The following SERPINB12 variants were observed in gnomAD, a reference collection of about 807,000 sequenced individuals.
The protein encoded by SERPINB12 is serpin B12.
SERPINB12 carries 57 observed loss-of-function variants against 41.1 expected under a neutral mutation model. The ratio of observed to expected loss-of-function variants is 1.39; its 90% confidence interval spans 1.12 to 1.73. SERPINB12 has a LOEUF of 1.73. SERPINB12 is among the 40% of genes most tolerant of loss of function. SERPINB12 has a pLI of 0.00. For synonymous variants in SERPINB12, 180 were observed against 181.3 expected, an observed-to-expected ratio of 0.99 and a Z score of 0.06; for missense variants, 536 against 501.9, an observed-to-expected ratio of 1.07 and a Z score of -0.65.
the SERPINB12 span, among the ~76,000 whole-genome samples, chr18:63,529,415 T>C: frequency 1.3e-5 from 2 of 152,324 alleles, no homozygotes; most frequent in East Asian, 3.9e-4. Flanking sequence ...GTGATAGTTC[T>C]TGTTATCAGG....
chr18:63,561,760 C>G (rs1416647443), intron 5 of SERPINB12, among the ~76,000 whole-genome samples: 1 of 152,106 alleles, frequency 6.6e-6, no homozygotes, highest in African/African-American at 2.4e-5. Flanking sequence ...GAAATGGAGG[C>G]CATAATCCTA....
At chr18:63,544,515 C>T (rs375991395) in intron 1 of SERPINB12, among the ~76,000 whole-genome samples, 7 of 152,130 alleles carry the variant, frequency 4.6e-5, no homozygotes, top group African/African-American at 1.7e-4. Context: ...TAGTAAGATT[C>T]AGCCCAGGGC....
chr18:63,558,593 A>T, intron 3 of SERPINB12, 107 bp downstream of exon 3: 1 of 1,244,750 alleles, frequency 8.0e-7, no homozygotes, highest in African/African-American at 1.5e-5. Context: ...TAGACTCTGG[A>T]TACCATCAAC....
rs35623491 is a variant in SERPINB12 at position 63,566,858 on chromosome 18, C to T, written c.1125C>T (p.Asn375=). 6.4e-3 allele frequency: 10,261 copies of T among 1,614,054 alleles called. 536 individuals carry two copies. The African/African-American group carries it at 0.12, about 18-fold the overall frequency. The stretch of plus-strand genomic sequence containing the variant: ...AAACCTTTGTGGAGGTGGATGAAAA[C>T]GGTACCCAGGCAGCTGCAGCCACTG... The part of the protein sequence containing the change: ...IHKTFVEVDE[N]GTQAAAATGA... Residue 375 remains asparagine, a synonymous_variant, in exon 8 of 8, where the codon AAC becomes AAT. Transcript: ENST00000382768.
chr18:63,533,756 G>T, the SERPINB12 span, among the ~76,000 whole-genome samples: 12 of 152,066 alleles, frequency 7.9e-5, no homozygotes. Context: ...AACTTTCATC[G>T]CCAAAGGAAT....
intron 1 of SERPINB12, among the ~76,000 whole-genome samples, chr18:63,550,792 C>T (rs1333080952): frequency 6.6e-6 from 1 of 152,096 alleles, no homozygotes; most frequent in East Asian, 1.9e-4. Flanking sequence ...TAGAAATCAG[C>T]AAACATTGTG....
rs779377666 is a variant in SERPINB12, at chr18:63,565,520, C to G, written c.781C>G (p.Gln261Glu). Residue 261 changes from glutamine to glutamate, a missense_variant, in exon 7 of 8, where the codon CAG becomes GAG. By Grantham distance (29) the Gln-to-Glu change is conservative. Coordinates refer to ENST00000382768, the MANE Select transcript of SERPINB12 (RefSeq NM_001307928.2). ...TGGCTTCATAGAGGAGGTGAAGGCA[C>G]AGATCCTGGAAATGAGGTACACCAA... Reference protein sequence around the residue: ...RIGFIEEVKAQILEMRYTKGK... With the variant: ...RIGFIEEVKAEILEMRYTKGK... The G allele has an allele frequency of 2.5e-6, 4 of 1,613,788 alleles. No homozygotes were observed. The African/African-American group carries it at 5.3e-5, about 22-fold the overall frequency.
Position 63,561,164 on chromosome 18 carries a change from G to T in SERPINB12, c.524G>T (p.Arg175Ile), listed in dbSNP as rs757464287. Residue 175 changes from arginine (R) to isoleucine (I), a missense_variant, in exon 5 of 8, where the codon AGA becomes ATA. Physicochemically the swap from Arg to Ile is moderately conservative, Grantham distance 97. Coordinates refer to ENST00000382768, the MANE Select transcript of SERPINB12 (RefSeq NM_001307928.2). ...TTCCAAAAAAACCCTGAAAAATCCA[G>T]ACAAGAGATTAACTTCTGGGTTGAA... is the stretch of plus-strand genomic sequence containing the variant. The part of the protein sequence containing the change: ...VDFQKNPEKS[R>I]QEINFWVECQ... 3.1e-6 allele frequency: 5 copies of T among 1,612,858 alleles called. No homozygotes were observed. In the South Asian group the frequency reaches 4.4e-5, roughly 14 times the overall value.
chr18:63,544,694 A>G (rs994144640), intron 1 of SERPINB12, among the ~76,000 whole-genome samples: 2 of 152,158 alleles, frequency 1.3e-5, no homozygotes, highest in African/African-American at 4.8e-5. Flanking sequence ...GGCTTTGGAT[A>G]TCTTAAGAGT....
At chr18:63,566,244 T>C (rs527497740) in intron 7 of SERPINB12, among the ~76,000 whole-genome samples, 26 of 152,360 alleles carry the variant, frequency 1.7e-4, no homozygotes, top group African/African-American at 6.0e-4. Context: ...TTTATATACA[T>C]GATTTTATTA....
Position 63,542,765 on chromosome 18 carries a change from G to A in SERPINB12, c.-19+273G>A, listed in dbSNP as rs188041159. Reference sequence around the variant, plus strand: ...CAGGTAATAAGCACAGTACCCAAGAGGTAGTTTTTCGATTCTTACCCTTCT... The same window carrying A: ...CAGGTAATAAGCACAGTACCCAAGAAGTAGTTTTTCGATTCTTACCCTTCT... On this transcript the variant is annotated intron_variant, in intron 1 of 7. Coordinates refer to ENST00000382768, the MANE Select transcript of SERPINB12 (RefSeq NM_001307928.2). Among the ~76,000 whole-genome samples, 61 of 152,278 alleles carry A rather than the reference G, an allele frequency of 4.0e-4. 1 individual carries two copies. Among genetic ancestry groups the A allele is most frequent in the African/African-American group, 1.3e-3 (56 of 41,566 alleles).
rs1910754804 is a variant in SERPINB12, at chr18:63,558,453, GC to G, written c.271del (p.Gln91ArgfsTer15). The stretch of plus-strand genomic sequence containing the variant: ...TGCTGGCTGACAGCTCTCTGGAGGG[GC>G]AGAAAAAAACGACAGAGCCTCTGGA... ...KVLADSSLEG[Q>X]KKTTEPLDQQ... On this transcript the variant is annotated frameshift_variant, in exon 3 of 8. Transcript: ENST00000382768. LOFTEE classifies it high-confidence loss of function. 1 of 1,613,174 alleles carries G rather than the reference GC, an allele frequency of 6.2e-7. No individual in the cohort carries two copies. The highest frequency in any genetic ancestry group is 1.3e-5 in the African/African-American group (1 of 74,958).
At chr18:63,563,548 TGG>T (rs1910984709) in intron 5 of SERPINB12, among the ~76,000 whole-genome samples, 2 of 152,286 alleles carry the variant, frequency 1.3e-5, no homozygotes, top group African/African-American at 4.8e-5. Context: ...TTAATCTTCT[TGG>T]GTTAGTTCTT....
chr18:63,557,972 T>G (rs781253085), intron 2 of SERPINB12, among the ~76,000 whole-genome samples: 33 of 152,212 alleles, frequency 2.2e-4, no homozygotes, highest in Admixed American at 1.4e-3. Context: ...ATCATCAATA[T>G]AAGAATTTTA....
upstream of SERPINB12, among the ~76,000 whole-genome samples, chr18:63,541,766 CAG>C (rs1367722023): frequency 6.6e-6 from 1 of 151,840 alleles, no homozygotes. Context: ...AGAGAAGGAA[CAG>C]AGACAGAAGG....
chr18:63,519,122 T>C, the SERPINB12 span, among the ~76,000 whole-genome samples: 4 of 152,058 alleles, frequency 2.6e-5, no homozygotes, highest in Non-Finnish European at 5.9e-5. Context: ...TGGGTCTTGG[T>C]GAGTAGGAGC....
chr18:63,534,783 T>C, the SERPINB12 span, among the ~76,000 whole-genome samples: 1 of 152,144 alleles, frequency 6.6e-6, no homozygotes, highest in African/African-American at 2.4e-5. Context: ...ACATTTGTCT[T>C]TGTGGCTTCT....
At chr18:63,537,926 A>T (rs1910205687), upstream of SERPINB12, among the ~76,000 whole-genome samples, 2 of 152,150 alleles carry the variant, frequency 1.3e-5, no homozygotes, top group African/African-American at 4.8e-5. Flanking sequence ...CTGTGGTGGG[A>T]TGAAGGCTAT....
chr18:63,526,524 A>T, the SERPINB12 span, among the ~76,000 whole-genome samples: 1 of 152,212 alleles, frequency 6.6e-6, no homozygotes, highest in Non-Finnish European at 1.5e-5. Context: ...AATATAGTAA[A>T]ATAAAATCAT....
Sources: gnomAD v4.1 joint callset for allele counts (sites outside exome capture counted in the v4.1 genomes callset) on GRCh38, gnomAD v4.1.1 for gene constraint, MANE v1.5 for transcripts, NCBI Gene and HGNC (gene_info 2026-07-23, HGNC 2026-07-21) for gene names.